The following NSMCE2 variants were observed in gnomAD, a reference collection of about 807,000 sequenced individuals.
The protein encoded by NSMCE2 is NSE2 SUMO ligase component of SMC5/6 complex, also known as E3 SUMO-protein ligase NSE2.
NSMCE2 carries 24 observed loss-of-function variants against 23.8 expected under a neutral mutation model. That is an observed-to-expected ratio of 1.01 (90% confidence interval 0.73 to 1.42). NSMCE2 has a LOEUF of 1.42. NSMCE2 is among the 40% of genes most tolerant of loss of function. The probability of loss-of-function intolerance (pLI) is 0.00; values close to 1 mark genes in which losing one functional copy is unlikely to be tolerated. For synonymous variants in NSMCE2, 92 were observed against 94.1 expected, an observed-to-expected ratio of 0.98 and a Z score of 0.13; for missense variants, 284 against 296.5, an observed-to-expected ratio of 0.96 and a Z score of 0.31.
chr8:125,336,119 T>C (rs188149231), intron 5 of NSMCE2, among the ~76,000 whole-genome samples: 2 of 152,074 alleles, frequency 1.3e-5, no homozygotes, highest in African/African-American at 4.8e-5. Flanking sequence ...ACCATTGATA[T>C]GGCTTTGAAG....
intron 3 of NSMCE2, 116 bp from the exon 4 acceptor site, chr8:125,151,055 T>A (rs1820991700): frequency 2.1e-6 from 1 of 484,790 alleles, no homozygotes; most frequent in Non-Finnish European, 3.7e-6. Context: ...TAAAAAGATG[T>A]AATAGCTCTA....
chr8:125,145,311 C>T (rs1820613228), intron 3 of NSMCE2, among the ~76,000 whole-genome samples: 1 of 152,122 alleles, frequency 6.6e-6, no homozygotes, highest in South Asian at 2.1e-4. Context: ...CACTGGCATA[C>T]TTACAGAAAC....
At chr8:125,286,338 A>T (rs1267959278) in intron 5 of NSMCE2, among the ~76,000 whole-genome samples, 1 of 144,386 alleles carries the variant, frequency 6.9e-6, no homozygotes, top group East Asian at 2.0e-4. Context: ...TTTGAGATGG[A>T]GTCTCGCCCT....
intron 7 of NSMCE2, among the ~76,000 whole-genome samples, chr8:125,360,111 G>T (rs1813464783): frequency 6.6e-6 from 1 of 152,168 alleles, no homozygotes; most frequent in Non-Finnish European, 1.5e-5. Flanking sequence ...TCATCTGGGT[G>T]TCTAATACTG....
chr8:125,150,100 T>G (rs1301423360), intron 3 of NSMCE2, among the ~76,000 whole-genome samples: 1 of 151,926 alleles, frequency 6.6e-6, no homozygotes, highest in Non-Finnish European at 1.5e-5. Context: ...AGGACTGCCT[T>G]ATGGCCAGTT....
intron 5 of NSMCE2, among the ~76,000 whole-genome samples, chr8:125,246,896 C>A (rs1176997792): frequency 2.6e-5 from 4 of 151,640 alleles, no homozygotes; most frequent in South Asian, 2.1e-4. Context: ...TCTTTTTTTT[C>A]TTTTTCTCTT....
chr8:125,353,435 T>C (rs1235014453), intron 5 of NSMCE2, among the ~76,000 whole-genome samples: 1 of 152,132 alleles, frequency 6.6e-6, no homozygotes, highest in East Asian at 1.9e-4. Context: ...AGTCAGTGGA[T>C]TGATAAAGGG....
Position 125,275,447 on chromosome 8 carries a change from G to C in NSMCE2, c.419-81772G>C, listed in dbSNP as rs149253948. Among the ~76,000 whole-genome samples the C allele has an allele frequency of 7.9e-5, 12 of 152,202 alleles. No homozygotes were observed. The East Asian group carries it at 2.3e-3, about 29-fold the overall frequency. Reference sequence around the variant, plus strand: ...TTATTCTTCCCTGTACCCTCCCATGGTATCCAGCAGGTAAGAACGTGCCCT... The same window carrying C: ...TTATTCTTCCCTGTACCCTCCCATGCTATCCAGCAGGTAAGAACGTGCCCT... On this transcript the variant is annotated intron_variant, in intron 5 of 7. Transcript: ENST00000287437.
chr8:125,216,361 C>T (rs981191741), intron 5 of NSMCE2, among the ~76,000 whole-genome samples: 18 of 152,118 alleles, frequency 1.2e-4, no homozygotes, highest in Non-Finnish European at 2.2e-4. Flanking sequence ...TCTGTGGGTC[C>T]GGGCGCGATG....
chr8:125,283,800 T>C (rs1168800586), intron 5 of NSMCE2, among the ~76,000 whole-genome samples: 1 of 152,158 alleles, frequency 6.6e-6, no homozygotes, highest in East Asian at 1.9e-4. Flanking sequence ...CCATTTTGCC[T>C]CTTTGTTTCA....
At chr8:125,228,776 C>A (rs1235399759) in intron 5 of NSMCE2, among the ~76,000 whole-genome samples, 1 of 152,158 alleles carries the variant, frequency 6.6e-6, no homozygotes, top group Non-Finnish European at 1.5e-5. Flanking sequence ...TCAATTCATA[C>A]GTGCCTGGCT....
At chr8:125,120,817 ATG>A (rs2130493232) in intron 3 of NSMCE2, among the ~76,000 whole-genome samples, 1 of 152,292 alleles carries the variant, frequency 6.6e-6, no homozygotes, top group Non-Finnish European at 1.5e-5. Flanking sequence ...TCATTTTTGC[ATG>A]TGACCAAGTC....
chr8:125,270,030 A>G (rs1170892346), intron 5 of NSMCE2, among the ~76,000 whole-genome samples: 1 of 152,246 alleles, frequency 6.6e-6, no homozygotes, highest in Non-Finnish European at 1.5e-5. Flanking sequence ...ATTTCAATAC[A>G]GTCTTGCAAC....
chr8:125,247,258 A>G (rs1373936259), intron 5 of NSMCE2, among the ~76,000 whole-genome samples: 1 of 152,032 alleles, frequency 6.6e-6, no homozygotes, highest in Non-Finnish European at 1.5e-5. Flanking sequence ...ACCTGAGCCC[A>G]GGAGGTCAAG....
chr8:125,279,481 T>C (rs534487303), intron 5 of NSMCE2, among the ~76,000 whole-genome samples: 4 of 152,366 alleles, frequency 2.6e-5, no homozygotes, highest in African/African-American at 9.6e-5. Context: ...ATAAGAGTAC[T>C]AATTAGAAGC....
intron 4 of NSMCE2, among the ~76,000 whole-genome samples, chr8:125,160,715 A>G (rs1411025921): frequency 1.3e-5 from 2 of 152,236 alleles, no homozygotes; most frequent in African/African-American, 4.8e-5. Flanking sequence ...ACAAGTAAAC[A>G]TTCACAGTTT....
At chr8:125,197,354 C>T (rs1823669477) in intron 5 of NSMCE2, among the ~76,000 whole-genome samples, 1 of 152,102 alleles carries the variant, frequency 6.6e-6, no homozygotes, top group African/African-American at 2.4e-5. Context: ...GTCTTCAATC[C>T]ATCTTGAATT....
intron 5 of NSMCE2, among the ~76,000 whole-genome samples, chr8:125,193,813 C>G (rs546427276): frequency 6.6e-6 from 1 of 152,344 alleles, no homozygotes; most frequent in South Asian, 2.1e-4. Context: ...CCCCTTCAGT[C>G]TCTGCCTATC....
intron 5 of NSMCE2, among the ~76,000 whole-genome samples, chr8:125,279,053 A>G (rs1479900506): frequency 6.6e-6 from 1 of 152,224 alleles, no homozygotes; most frequent in African/African-American, 2.4e-5. Context: ...AGTTTTTTAA[A>G]TAAGTGGATT....
Sources: gnomAD v4.1 joint callset for allele counts (sites outside exome capture counted in the v4.1 genomes callset) on GRCh38, gnomAD v4.1.1 for gene constraint, MANE v1.5 for transcripts, NCBI Gene and HGNC (gene_info 2026-07-23, HGNC 2026-07-21) for gene names.